Variants in FRMD4B observed in about 807,000 individuals in gnomAD.
The protein encoded by FRMD4B is FERM domain containing 4B, also known as FERM domain-containing protein 4B.
Under a neutral mutation model 141.5 loss-of-function variants are expected in FRMD4B, and 74 were observed. That is an observed-to-expected ratio of 0.52 (90% CI 0.43 to 0.63). FRMD4B has a LOEUF of 0.63. Ranked by LOEUF, FRMD4B falls within the 30% of genes least tolerant of loss-of-function variation. The probability of loss-of-function intolerance (pLI) is 0.00; values close to 1 mark genes in which losing one functional copy is unlikely to be tolerated. For missense variants in FRMD4B, 1,366 were observed against 1,253.4 expected (o/e 1.09, Z -1.36); for synonymous variants, 506 against 467.9 (o/e 1.08, Z -1.05).
intron 1 of FRMD4B, among the ~76,000 whole-genome samples, chr3:69,320,072 G>A (rs1049798352): frequency 6.6e-6 from 1 of 152,166 alleles, no homozygotes; most frequent in African/African-American, 2.4e-5. Context: ...AGGAATGGAT[G>A]TGCCCAAAGC....
At chr3:69,175,498 C>G (rs2092634620) in intron 22 of FRMD4B, among the ~76,000 whole-genome samples, 1 of 152,124 alleles carries the variant, frequency 6.6e-6, no homozygotes, top group Non-Finnish European at 1.5e-5. Context: ...GTGTCTGTTG[C>G]TTCATAACAA....
chr3:69,433,666 A>G (rs1705214501), intron 1 of FRMD4B, among the ~76,000 whole-genome samples: 1 of 152,226 alleles, frequency 6.6e-6, no homozygotes, highest in Non-Finnish European at 1.5e-5. Context: ...TCATTTTTCT[A>G]GCAGGAACTC....
At chr3:69,348,354 C>A (rs1316691200) in intron 1 of FRMD4B, among the ~76,000 whole-genome samples, 1 of 152,042 alleles carries the variant, frequency 6.6e-6, no homozygotes, top group African/African-American at 2.4e-5. Flanking sequence ...AGCCTACCAA[C>A]CAAAAAAAGT....
intron 4 of FRMD4B, among the ~76,000 whole-genome samples, chr3:69,295,727 G>A (rs1247094952): frequency 1.3e-5 from 2 of 152,202 alleles, no homozygotes; most frequent in Admixed American, 6.5e-5. Flanking sequence ...AGTGTCAATA[G>A]TGCTGCTGCA....
chr3:69,536,562 G>A lies in FRMD4B; in HGVS notation c.-129+5644C>T, dbSNP rs1242543998. ...TGGGGAATAGGGGGGATGGTGAGAG[G>A]GCAGGAGGCGGCATGCCACCGGGAA... On this transcript the variant is annotated intron_variant, in intron 1 of 5. Coordinates refer to the FRMD4B transcript ENST00000459638. 16 of 710,326 alleles carry A rather than the reference G, an allele frequency of 2.3e-5. No individual in the cohort carries two copies. In the Admixed American group the frequency reaches 3.1e-4, roughly 14 times the overall value. 44.0% of individuals were successfully genotyped at this position (710,326 alleles called of 1,614,324 possible). A position where few individuals can be genotyped will look rare whatever the true frequency, so the allele number is the denominator to read the frequency against.
chr3:69,498,408 G>C (rs188299865), intron 1 of FRMD4B, among the ~76,000 whole-genome samples: 14 of 152,312 alleles, frequency 9.2e-5, no homozygotes, highest in African/African-American at 3.1e-4. Context: ...TGAATGATTT[G>C]AATGGATTGA....
intron 11 of FRMD4B, among the ~76,000 whole-genome samples, chr3:69,212,359 CAAAAA>C (rs869309749): frequency 3.9e-5 from 1 of 25,360 alleles, no homozygotes; most frequent in Non-Finnish European, 6.4e-5. Flanking sequence ...AACCCCGTCT[CAAAAA>C]AAAAAAAAAA....
intron 1 of FRMD4B, among the ~76,000 whole-genome samples, chr3:69,321,929 A>G (rs976433244): frequency 3.3e-5 from 5 of 152,122 alleles, no homozygotes; most frequent in Non-Finnish European, 7.4e-5. Context: ...GCTTGTCTTC[A>G]ACCCCCAGGC....
At chr3:69,531,789 G>A (rs1208431407) in intron 1 of FRMD4B, among the ~76,000 whole-genome samples, 1 of 152,170 alleles carries the variant, frequency 6.6e-6, no homozygotes, top group Non-Finnish European at 1.5e-5. Flanking sequence ...GTGCTAGAAA[G>A]TACAATGAGA....
chr3:69,518,374 A>G (rs915919513), intron 1 of FRMD4B, among the ~76,000 whole-genome samples: 2 of 152,138 alleles, frequency 1.3e-5, no homozygotes, highest in South Asian at 4.1e-4. Context: ...ATGTAAAGCT[A>G]AGTTCTGGGA....
intron 2 of FRMD4B, among the ~76,000 whole-genome samples, chr3:69,399,012 T>C (rs1424102653): frequency 6.6e-6 from 1 of 152,148 alleles, no homozygotes; most frequent in Admixed American, 6.5e-5. Flanking sequence ...ACAGAAGTCA[T>C]TCAAGGCACC....
At chr3:69,329,117 T>C (rs1018935910) in intron 1 of FRMD4B, among the ~76,000 whole-genome samples, 23 of 152,188 alleles carry the variant, frequency 1.5e-4, no homozygotes, top group Admixed American at 4.6e-4. Context: ...GAGAAAGTGA[T>C]GGTCAGAACA....
intron 1 of FRMD4B, among the ~76,000 whole-genome samples, chr3:69,447,530 A>G (rs958331755): frequency 6.6e-6 from 1 of 152,260 alleles, no homozygotes; most frequent in African/African-American, 2.4e-5. Flanking sequence ...ACCCACCACC[A>G]CAATCAAGAT....
chr3:69,398,086 C>T (rs1213403342), intron 2 of FRMD4B, among the ~76,000 whole-genome samples: 2 of 152,026 alleles, frequency 1.3e-5, no homozygotes, highest in Admixed American at 6.6e-5. Flanking sequence ...TGTACATGAG[C>T]TCAGTTATAA....
At chr3:69,237,934 G>A (rs1337957274) in intron 7 of FRMD4B, among the ~76,000 whole-genome samples, 1 of 152,154 alleles carries the variant, frequency 6.6e-6, no homozygotes, top group Non-Finnish European at 1.5e-5. Flanking sequence ...GTTTCACCAT[G>A]TTGCCCAGGT....
intron 22 of FRMD4B, among the ~76,000 whole-genome samples, chr3:69,175,366 T>A (rs1214483544): frequency 6.6e-6 from 1 of 152,126 alleles, no homozygotes; most frequent in Non-Finnish European, 1.5e-5. Context: ...TAACAAGAAT[T>A]TTTTTAAAAA....
chr3:69,436,694 T>C (rs1705266126), intron 1 of FRMD4B, among the ~76,000 whole-genome samples: 1 of 152,210 alleles, frequency 6.6e-6, no homozygotes, highest in South Asian at 2.1e-4. Context: ...ACAATCCAAA[T>C]GTCCATCAGC....
intron 1 of FRMD4B, among the ~76,000 whole-genome samples, chr3:69,340,891 T>C (rs1046591106): frequency 6.6e-6 from 1 of 152,118 alleles, no homozygotes; most frequent in Non-Finnish European, 1.5e-5. Context: ...GCTTATAGCA[T>C]GCACTTTGCA....
intron 5 of FRMD4B, among the ~76,000 whole-genome samples, chr3:69,252,389 G>A (rs555904095): frequency 5.9e-5 from 9 of 152,192 alleles, no homozygotes; most frequent in Non-Finnish European, 8.8e-5. Flanking sequence ...GTGGAGGAGG[G>A]TGACGGTGCG....
Sources: allele counts gnomAD v4.1 joint callset (sites outside exome capture counted in the v4.1 genomes callset), GRCh38; gene constraint gnomAD v4.1.1; transcripts MANE v1.5; gene names NCBI Gene and HGNC (gene_info 2026-07-23, HGNC 2026-07-21).